The following PHF21B variants were observed in gnomAD, a reference collection of about 807,000 sequenced individuals.
The protein encoded by PHF21B is PHD finger protein 21B.
Under a neutral mutation model 62.2 loss-of-function variants are expected in PHF21B, and 22 were observed. The ratio of observed to expected loss-of-function variants is 0.35; its 90% CI spans 0.25 to 0.51. The LOEUF (loss-of-function observed/expected upper bound fraction) is 0.51. Ranked by LOEUF, PHF21B falls within the 20% of genes least tolerant of loss-of-function variation. PHF21B has a pLI of 0.97. For missense variants in PHF21B, 701 were observed against 707.9 expected (o/e 0.99, Z 0.11); for synonymous variants, 341 against 314.7 (o/e 1.08, Z -0.88).
chr22:44,909,601 A>C (rs1273243402), intron 5 of PHF21B, among the ~76,000 whole-genome samples: 1 of 152,252 alleles, frequency 6.6e-6, no homozygotes, highest in Admixed American at 6.5e-5. Context: ...CTAAGAATAA[A>C]GCTCCACTTT....
At chr22:44,976,555 A>T (rs1200247635) in intron 2 of PHF21B, among the ~76,000 whole-genome samples, 1 of 152,234 alleles carries the variant, frequency 6.6e-6, no homozygotes, top group Non-Finnish European at 1.5e-5. Flanking sequence ...AGTTGGTTTC[A>T]TGCACTTTTG....
chr22:44,986,521 CAAAAAAAAA>C (rs3063310), intron 2 of PHF21B, among the ~76,000 whole-genome samples: 3 of 85,882 alleles, frequency 3.5e-5, no homozygotes, highest in African/African-American at 4.5e-5. Flanking sequence ...GATCTTATTT[CAAAAAAAAA>C]AAAAAAAAAA....
At chr22:45,004,477 G>C (rs1261572420) in intron 2 of PHF21B, among the ~76,000 whole-genome samples, 5 of 152,204 alleles carry the variant, frequency 3.3e-5, no homozygotes, top group Admixed American at 3.3e-4. Flanking sequence ...CCATTCCCAC[G>C]ATCTTCCCCT....
intron 2 of PHF21B, among the ~76,000 whole-genome samples, chr22:44,928,131 A>T (rs1345239222): frequency 6.6e-6 from 1 of 152,046 alleles, no homozygotes; most frequent in Non-Finnish European, 1.5e-5. Context: ...TTGGCTCTGG[A>T]GCTCTGCCAG....
At chr22:44,985,931 C>A (rs887973319) in intron 2 of PHF21B, among the ~76,000 whole-genome samples, 1 of 151,682 alleles carries the variant, frequency 6.6e-6, no homozygotes, top group African/African-American at 2.4e-5. Flanking sequence ...TCAGCACCAC[C>A]ACCACTACCA....
intron 2 of PHF21B, among the ~76,000 whole-genome samples, chr22:44,925,235 C>T (rs2147324511): frequency 6.6e-6 from 1 of 152,348 alleles, no homozygotes; most frequent in Non-Finnish European, 1.5e-5. Flanking sequence ...AATGGGTTCA[C>T]ATTTGTCAAA....
intron 10 of PHF21B, among the ~76,000 whole-genome samples, chr22:44,886,617 G>T (rs190963871): frequency 6.6e-6 from 1 of 151,910 alleles, no homozygotes. Context: ...AGCCCCGAAG[G>T]TCAAGACTGC....
intron 2 of PHF21B, among the ~76,000 whole-genome samples, chr22:45,004,857 C>T (rs2073286410): frequency 6.6e-6 from 1 of 152,228 alleles, no homozygotes. Flanking sequence ...CCTCTCAGAA[C>T]CCAGAGTTCA....
intron 2 of PHF21B, among the ~76,000 whole-genome samples, chr22:44,967,872 G>A (rs1450839528): frequency 2.6e-5 from 4 of 152,204 alleles, no homozygotes; most frequent in African/African-American, 9.7e-5. Context: ...GACAGTCTGA[G>A]GACGGGTCAG....
At chr22:44,960,275 C>G (rs994046084) in intron 2 of PHF21B, among the ~76,000 whole-genome samples, 5 of 152,198 alleles carry the variant, frequency 3.3e-5, no homozygotes. Flanking sequence ...CCCCTTCCCT[C>G]CACAGCTACC....
chr22:44,969,990 C>T (rs1482094984), intron 2 of PHF21B, among the ~76,000 whole-genome samples: 3 of 152,242 alleles, frequency 2.0e-5, no homozygotes, highest in Non-Finnish European at 4.4e-5. Context: ...CATCCTCCAG[C>T]AGCGCAGCCA....
intron 2 of PHF21B, among the ~76,000 whole-genome samples, chr22:44,946,227 C>A (rs1476035781): frequency 1.3e-5 from 2 of 151,686 alleles, no homozygotes; most frequent in South Asian, 4.2e-4. Context: ...TTCTGGGGCT[C>A]GGGGTGGGGA....
chr22:44,968,447 C>T (rs555670991), intron 2 of PHF21B, among the ~76,000 whole-genome samples: 1 of 152,146 alleles, frequency 6.6e-6, no homozygotes, highest in African/African-American at 2.4e-5. Context: ...AGTTCGAGAC[C>T]AGCCTGGCCA....
intron 2 of PHF21B, 139 bp from the exon 3 acceptor site, chr22:44,920,629 A>T: frequency 1.9e-6 from 1 of 534,342 alleles, no homozygotes; most frequent in Non-Finnish European, 3.4e-6. Flanking sequence ...ATGATTTTTA[A>T]AAAATCACAA....
chr22:44,906,091 C>T (rs2071244787), intron 5 of PHF21B, among the ~76,000 whole-genome samples: 1 of 152,152 alleles, frequency 6.6e-6, no homozygotes, highest in Admixed American at 6.5e-5. Context: ...TCAGGGTCAC[C>T]CTTGCTCAAT....
At chr22:44,937,239 G>C (rs4823265) in intron 2 of PHF21B, among the ~76,000 whole-genome samples, 2 of 152,128 alleles carry the variant, frequency 1.3e-5, no homozygotes, top group East Asian at 1.9e-4. Context: ...AACACACCCA[G>C]ACAAAATAAA....
rs1031259229 is a variant in PHF21B, at chr22:44,935,167, G to A, written c.121-14677C>T. The stretch of plus-strand genomic sequence containing the variant: ...GACCTGCGTCTAACTGGAAGCTTCA[G>A]GAACATAGCCCAAAGATCTGAGAGC... On this transcript the variant is annotated intron_variant, in intron 2 of 12. Coordinates refer to ENST00000313237, the MANE Select transcript of PHF21B (RefSeq NM_138415.5). Among the ~76,000 whole-genome samples, 7 of 152,274 alleles carry A rather than the reference G, an allele frequency of 4.6e-5. No homozygotes were observed. In the East Asian group the frequency reaches 1.4e-3, roughly 29 times the overall value.
chr22:44,897,141 G>A (rs937831891), intron 5 of PHF21B, among the ~76,000 whole-genome samples: 8 of 152,042 alleles, frequency 5.3e-5, no homozygotes, highest in Admixed American at 4.6e-4. Flanking sequence ...CAAAGTGCTG[G>A]TATTATAGAC....
intron 2 of PHF21B, among the ~76,000 whole-genome samples, chr22:44,937,814 C>G (rs541135399): frequency 7.9e-5 from 12 of 152,320 alleles, no homozygotes; most frequent in African/African-American, 2.9e-4. Flanking sequence ...CTGCGTGGAA[C>G]GAAGGGAGCC....
Sources: gnomAD v4.1 joint callset for allele counts (sites outside exome capture counted in the v4.1 genomes callset) on GRCh38, gnomAD v4.1.1 for gene constraint, MANE v1.5 for transcripts, NCBI Gene and HGNC (gene_info 2026-07-23, HGNC 2026-07-21) for gene names.